Variants in IFIH1 observed in about 807,000 individuals in gnomAD.
IFIH1 encodes the protein interferon-induced helicase C domain-containing protein 1.
A neutral mutation model predicts 107.4 loss-of-function variants in IFIH1; 125 were observed. The ratio of observed to expected loss-of-function variants is 1.16; its 90% CI spans 1.01 to 1.35. IFIH1 has a LOEUF of 1.35. Among genes scored for constraint, IFIH1 ranks in the 40% most tolerant of loss-of-function variants. IFIH1 has a pLI of 0.00. For synonymous variants in IFIH1, 458 were observed against 413.2 expected, an observed-to-expected ratio of 1.11 and a Z score of -1.31; for missense variants, 1,333 against 1,213.7, an observed-to-expected ratio of 1.10 and a Z score of -1.46.
In IFIH1 at chr2:162,276,903, A is replaced by T. The variant is rs761764756; in HGVS notation, c.2088T>A (p.Tyr696Ter). Residue 696 changes from tyrosine (Y) to a stop codon, truncating the protein, a stop_gained, in exon 11 of 16, where the codon TAT becomes TAA. Coordinates refer to ENST00000649979, the MANE Select transcript of IFIH1 (RefSeq NM_022168.4). LOFTEE classifies it high-confidence loss of function. ...TTAATTTGGTCAGCTTTTCATTTTC[A>T]TATTCTGGGTTTTCAGCCAGCCTTT... is the stretch of plus-strand genomic sequence containing the variant. ...MLKRLAENPE[Y>*]ENEKLTKLRN... 6.2e-7 allele frequency: 1 copy of T among 1,611,028 alleles called. No individual in the cohort carries two copies. The highest frequency in any genetic ancestry group is 8.5e-7 in the Non-Finnish European group (1 of 1,179,102).
At chr2:162,313,059 T>C (rs533899161) in intron 1 of IFIH1, among the ~76,000 whole-genome samples, 1 of 152,210 alleles carries the variant, frequency 6.6e-6, no homozygotes, top group African/African-American at 2.4e-5. Context: ...ATAAGGATCA[T>C]GATGTCATTA....
chr2:162,287,692 G>A (rs112299681), intron 5 of IFIH1, among the ~76,000 whole-genome samples: 4 of 151,970 alleles, frequency 2.6e-5, no homozygotes, highest in African/African-American at 7.2e-5. Flanking sequence ...TGCCATCTTT[G>A]ACTAAGGGTC....
At chr2:162,315,051 A>T (rs1440397242) in intron 1 of IFIH1, among the ~76,000 whole-genome samples, 1 of 152,224 alleles carries the variant, frequency 6.6e-6, no homozygotes, top group African/African-American at 2.4e-5. Context: ...TGGGGTGGGA[A>T]TCCTAAATTA....
rs1219604492 is a variant in IFIH1 at position 162,268,147 on chromosome 2, G to T, written c.2747C>A (p.Ser916Tyr). 1 of 1,613,068 alleles carries T rather than the reference G, an allele frequency of 6.2e-7. No homozygotes were observed. Among genetic ancestry groups the T allele is most frequent in the Admixed American group, 1.7e-5 (1 of 59,924 alleles). ...CTCAATTACATGGATATCTTCCCCA[G>T]AACAGGCTAGCACACTGCAGTTTTT... The part of the protein sequence containing the change: ...LCKNCSVLAC[S>Y]GEDIHVIEKM... The change falls in exon 14 of 16, where the codon TCT becomes TAT. Residue 916 changes from serine (S) to tyrosine (Y), a missense_variant. Ser to Tyr is a moderately radical substitution (Grantham distance 144). Transcript: ENST00000649979.
At chr2:162,316,497 C>G (rs1683489549) in intron 1 of IFIH1, among the ~76,000 whole-genome samples, 1 of 152,176 alleles carries the variant, frequency 6.6e-6, no homozygotes, top group East Asian at 1.9e-4. Context: ...AAATTAGATG[C>G]ATGTTTGGGT....
intron 3 of IFIH1, among the ~76,000 whole-genome samples, chr2:162,303,547 T>C (rs1009046709): frequency 4.0e-5 from 6 of 151,408 alleles, no homozygotes; most frequent in Admixed American, 3.3e-4. Flanking sequence ...TGGCACATGA[T>C]AGGAGTTTGG....
chr2:162,278,307 G>T lies in IFIH1; in HGVS notation c.1663C>A (p.Leu555Ile). 6.9e-7 allele frequency: 1 copy of T among 1,446,764 alleles called. No individual in the cohort carries two copies. The allele number at this position is 1,446,764 out of a possible 1,614,324, so 89.6% of individuals were successfully genotyped here. A position where few individuals can be genotyped will look rare whatever the true frequency, so the allele number is the denominator to read the frequency against. Residue 555 changes from leucine (L) to isoleucine (I), a missense_variant, in exon 9 of 16, where the codon CTA becomes ATA. Leu to Ile is a conservative substitution (Grantham distance 5). Coordinates refer to ENST00000649979, the MANE Select transcript of IFIH1 (RefSeq NM_022168.4). ...GTTTGAATCCTTGTCATTATTTCTA[G>T]AAGTTTCTCTTTAAATGGATCCTAA... ...TREDPFKEKLLEIMTRIQTYC... is the reference protein window; with the variant it reads ...TREDPFKEKLIEIMTRIQTYC...
At chr2:162,314,414 T>TC (rs1683440940) in intron 1 of IFIH1, among the ~76,000 whole-genome samples, 2 of 72,822 alleles carry the variant, frequency 2.7e-5, no homozygotes, top group Non-Finnish European at 2.3e-5. Context: ...TTTCTTTCTT[T>TC]CTTTTCTTTC....
intron 3 of IFIH1, among the ~76,000 whole-genome samples, chr2:162,300,198 C>G (rs2105220485): frequency 6.6e-6 from 1 of 152,246 alleles, no homozygotes. Context: ...CTCAATGATA[C>G]TGTATTATCT....
chr2:162,299,058 T>A (rs569041352), intron 3 of IFIH1, among the ~76,000 whole-genome samples: 79 of 152,344 alleles, frequency 5.2e-4, no homozygotes, highest in Middle Eastern at 3.4e-3. Flanking sequence ...TAAATTTGAA[T>A]TGTGTGTAAT....
chr2:162,303,974 A>C (rs1416502507), intron 3 of IFIH1, among the ~76,000 whole-genome samples: 1 of 152,150 alleles, frequency 6.6e-6, no homozygotes, highest in African/African-American at 2.4e-5. Context: ...AGTAGCTTGT[A>C]AAGGACATTT....
chr2:162,273,799 A>C lies in IFIH1; in HGVS notation c.2450T>G (p.Val817Gly). Residue 817 changes from valine to glycine, a missense_variant, in exon 12 of 16, where the codon GTC (valine) becomes GGC (glycine). By Grantham distance (109) the Val-to-Gly change is moderately radical. Coordinates refer to ENST00000649979, the MANE Select transcript of IFIH1 (RefSeq NM_022168.4). ...AGTAGAGGTATTTGAATGTACCTGG[A>C]CCATGGCTATTTCATTGGTGACGAG... ...YGLVTNEIAM[V>G]QARGRARADE... The C allele has an allele frequency of 6.3e-7, 1 of 1,587,204 alleles. No individual in the cohort carries two copies. The highest frequency in any genetic ancestry group is 8.6e-7 in the Non-Finnish European group (1 of 1,168,086).
At chr2:162,304,227 A>G (rs1028170831) in intron 3 of IFIH1, among the ~76,000 whole-genome samples, 1 of 152,224 alleles carries the variant, frequency 6.6e-6, no homozygotes, top group Admixed American at 6.5e-5. Context: ...TGGGAGGCCA[A>G]GGCAGGAGGA....
At position 162,306,755 on chromosome 2, in the gene IFIH1, C is replaced by G; in HGVS notation, c.723G>C (p.Glu241Asp). 1 of 1,613,916 alleles carries G rather than the reference C, an allele frequency of 6.2e-7. No individual in the cohort carries two copies. The highest frequency in any genetic ancestry group is 8.5e-7 in the Non-Finnish European group (1 of 1,179,880). The change falls in exon 3 of 16, where the codon GAG (glutamate) becomes GAC (aspartate). Residue 241 changes from glutamate (E) to aspartate (D), a missense_variant. By Grantham distance (45) the Glu-to-Asp change is conservative. Coordinates refer to ENST00000649979, the MANE Select transcript of IFIH1 (RefSeq NM_022168.4). Reference sequence around the variant, plus strand: ...CAAAAGATGATTCTGATGAGTTATTCTCCATGCCCCAGACCTCCTTCTCCA... The same window carrying G: ...CAAAAGATGATTCTGATGAGTTATTGTCCATGCCCCAGACCTCCTTCTCCA... ...PNLEKEVWGM[E>D]NNSSESSFAD...
At chr2:162,314,430 T>TTCTTTCTTTCTTTCTTTCTTTCTTTCTC (rs1683445394) in intron 1 of IFIH1, among the ~76,000 whole-genome samples, 1 of 107,416 alleles carries the variant, frequency 9.3e-6, no homozygotes, top group Non-Finnish European at 1.7e-5. Flanking sequence ...CTTTCTTTCT[T>TTCTTTCTTTCTTTCTTTCTTTCTTTCTC]TCTTTCTTTC....
intron 4 of IFIH1, among the ~76,000 whole-genome samples, chr2:162,291,778 T>C (rs1286693606): frequency 6.6e-6 from 1 of 151,832 alleles, no homozygotes; most frequent in Non-Finnish European, 1.5e-5. Flanking sequence ...TAAACCTCCT[T>C]TTGAATTGGT....
intron 1 of IFIH1, 88 bp downstream of exon 1, chr2:162,317,767 A>C (rs934653050): frequency 2.8e-6 from 3 of 1,055,788 alleles, no homozygotes; most frequent in Non-Finnish European, 4.1e-6. Context: ...CAAAGAGGTC[A>C]AGCACATTTG....
rs144341455 is a variant in IFIH1, at chr2:162,273,833, G to A, written c.2416C>T (p.Arg806Cys). 59 of 1,607,552 alleles carry A rather than the reference G, an allele frequency of 3.7e-5. No individual in the cohort carries two copies. The highest frequency in any genetic ancestry group is 3.3e-4 in the Middle Eastern group (2 of 6,068). Reference sequence around the variant, plus strand: ...ATTTCATTGGTGACGAGACCATAACGGATAACAATGTTACATTCTTTAATA... The same window carrying A: ...ATTTCATTGGTGACGAGACCATAACAGATAACAATGTTACATTCTTTAATA... ...LDIKECNIVI[R>C]YGLVTNEIAM... Residue 806 changes from arginine to cysteine, a missense_variant, in exon 12 of 16, where the codon CGT becomes TGT. By Grantham distance (180) the Arg-to-Cys change is radical. Coordinates refer to ENST00000649979, the MANE Select transcript of IFIH1 (RefSeq NM_022168.4).
intron 6 of IFIH1, 30 bp from the exon 7 acceptor site, chr2:162,281,575 T>C: frequency 6.7e-7 from 1 of 1,489,604 alleles, no homozygotes; most frequent in Non-Finnish European, 9.3e-7. Flanking sequence ...AGTTCATTTC[T>C]CCATATCAGC....
Sources: gnomAD v4.1 joint callset for allele counts (sites outside exome capture counted in the v4.1 genomes callset) on GRCh38, gnomAD v4.1.1 for gene constraint, MANE v1.5 for transcripts, NCBI Gene and HGNC (gene_info 2026-07-23, HGNC 2026-07-21) for gene names.